Variants in PLA2G5 observed in about 807,000 individuals in gnomAD.
PLA2G5 encodes the protein Ca2+-dependent phospholipase A2.
A neutral mutation model predicts 15.9 loss-of-function variants in PLA2G5; 12 were observed. That is an observed-to-expected ratio of 0.76 (90% confidence interval 0.48 to 1.23). The LOEUF (loss-of-function observed/expected upper bound fraction) is 1.23, where lower values mean the gene tolerates loss of function less well. Among genes scored for constraint, PLA2G5 ranks in the 50% most tolerant of loss-of-function variants. The probability of loss-of-function intolerance (pLI) is 0.00; values close to 1 mark genes in which losing one functional copy is unlikely to be tolerated. For missense variants in PLA2G5, 169 were observed against 177.1 expected (o/e 0.95, Z 0.26); for synonymous variants, 71 against 71.4 (o/e 0.99, Z 0.03).
chr1:20,059,300 T>C (rs1319168699), intron 1 of PLA2G5, among the ~76,000 whole-genome samples: 6 of 152,024 alleles, frequency 3.9e-5, no homozygotes, highest in African/African-American at 1.4e-4. Context: ...TGGTGGCACA[T>C]GCCTGTAGTG....
exon 2 of PLA2G5, chr1:20,059,662 G>C (rs898498693): frequency 3.3e-5 from 5 of 152,162 alleles, no homozygotes; most frequent in Admixed American, 3.3e-4. Context: ...AGGCTGGAAA[G>C]GCAAAAATGA....
intron 1 of PLA2G5, among the ~76,000 whole-genome samples, chr1:20,053,934 A>G (rs937006284): frequency 6.6e-6 from 1 of 152,208 alleles, no homozygotes; most frequent in Admixed American, 6.5e-5. Context: ...TTAGTTATCT[A>G]TTGCTGTGTA....
Position 20,090,830 on chromosome 1 carries a change from G to T in PLA2G5, c.*138G>T. On this transcript the variant is annotated 3_prime_UTR_variant, in exon 5 of 5. Coordinates refer to ENST00000375108, the MANE Select transcript of PLA2G5 (RefSeq NM_000929.3). ...TTTCTCGAAGCTTGGCGGACCCCCAGGGCCACACTGTACCCTCCAGCGAGT... is the reference window on the plus strand; with the variant it reads ...TTTCTCGAAGCTTGGCGGACCCCCATGGCCACACTGTACCCTCCAGCGAGT... 1 of 847,546 alleles carries T rather than the reference G, an allele frequency of 1.2e-6. No homozygotes were observed. Among genetic ancestry groups the T allele is most frequent in the Non-Finnish European group, 1.9e-6 (1 of 520,664 alleles). 52.5% of individuals were successfully genotyped at this position (847,546 alleles called of 1,614,324 possible). A position where few individuals can be genotyped will look rare whatever the true frequency, so the allele number is the denominator to read the frequency against.
intron 2 of PLA2G5, among the ~76,000 whole-genome samples, chr1:20,061,802 T>G (rs1181229973): frequency 6.6e-6 from 1 of 152,254 alleles, no homozygotes; most frequent in Non-Finnish European, 1.5e-5. Context: ...TATTTGTATT[T>G]GTGTATCTTA....
chr1:20,083,417 G>C (rs1054944891), intron 1 of PLA2G5, among the ~76,000 whole-genome samples: 2 of 151,842 alleles, frequency 1.3e-5, no homozygotes, highest in Admixed American at 6.5e-5. Flanking sequence ...TGGCACAAGC[G>C]ACCGTTCAAC....
intron 1 of PLA2G5, among the ~76,000 whole-genome samples, chr1:20,052,173 C>CAAAA (rs34853506): frequency 9.8e-6 from 1 of 102,482 alleles, no homozygotes; most frequent in Non-Finnish European, 2.0e-5. Context: ...GACTCCATCT[C>CAAAA]AAAAAAAAAA....
chr1:20,052,603 G>A (rs891444673), intron 1 of PLA2G5, among the ~76,000 whole-genome samples: 3 of 152,042 alleles, frequency 2.0e-5, no homozygotes, highest in East Asian at 3.9e-4. Flanking sequence ...ATGAACTTTT[G>A]TAATAACTTC....
intron 2 of PLA2G5, among the ~76,000 whole-genome samples, chr1:20,085,379 T>C (rs1021521621): frequency 6.6e-6 from 1 of 152,032 alleles, no homozygotes; most frequent in African/African-American, 2.4e-5. Context: ...GTCCTGCTCC[T>C]TGATGTCTTG....
chr1:20,056,301 A>G (rs1488818162), intron 1 of PLA2G5, among the ~76,000 whole-genome samples: 1 of 151,410 alleles, frequency 6.6e-6, no homozygotes, highest in African/African-American at 2.4e-5. Context: ...CACTCCCTCA[A>G]GGGCAGGTGT....
At chr1:20,058,736 C>T (rs993146642) in intron 1 of PLA2G5, among the ~76,000 whole-genome samples, 1 of 152,106 alleles carries the variant, frequency 6.6e-6, no homozygotes, top group Non-Finnish European at 1.5e-5. Flanking sequence ...AGCAGCTTCT[C>T]GATTTGACAA....
upstream of PLA2G5, among the ~76,000 whole-genome samples, chr1:20,068,255 A>G (rs1171347148): frequency 1.3e-5 from 2 of 152,232 alleles, no homozygotes; most frequent in East Asian, 3.8e-4. Flanking sequence ...CTCATACTAC[A>G]CATGAAAATA....
At chr1:20,089,299 G>T (rs983643994) in intron 3 of PLA2G5, among the ~76,000 whole-genome samples, 7 of 152,208 alleles carry the variant, frequency 4.6e-5, no homozygotes, top group African/African-American at 1.7e-4. Context: ...CCTGTGATAC[G>T]AGAAGTTTAT....
intron 2 of PLA2G5, among the ~76,000 whole-genome samples, chr1:20,085,231 A>G (rs1246110933): frequency 6.6e-6 from 1 of 152,154 alleles, no homozygotes; most frequent in Admixed American, 6.5e-5. Context: ...ATAAAAATCA[A>G]AACTCTTATC....
intron 1 of PLA2G5, among the ~76,000 whole-genome samples, chr1:20,041,338 T>C (rs1199433513): frequency 6.6e-6 from 1 of 152,192 alleles, no homozygotes; most frequent in Non-Finnish European, 1.5e-5. Context: ...GAAATAAAGC[T>C]TTTTAATCAC....
At chr1:20,039,425 C>T (rs903918646) in intron 1 of PLA2G5, among the ~76,000 whole-genome samples, 1 of 152,130 alleles carries the variant, frequency 6.6e-6, no homozygotes, top group Non-Finnish European at 1.5e-5. Context: ...GAGGACAAAA[C>T]AAGGATTAAA....
rs575275809 is a variant in PLA2G5 at position 20,077,984 on chromosome 1, G to A, written c.-10-6837G>A. ...ACTCGAATGAGCTCATCCAGAGAGT[G>A]GCTGAGACAGAGAAGGGCAACTCCA... On this transcript the variant is annotated intron_variant, in intron 1 of 4. Coordinates refer to ENST00000375108, the MANE Select transcript of PLA2G5 (RefSeq NM_000929.3). Among the ~76,000 whole-genome samples the A allele has an allele frequency of 1.9e-4, 29 of 152,302 alleles. No individual in the cohort carries two copies. The South Asian group carries it at 5.8e-3, about 31-fold the overall frequency.
chr1:20,058,208 T>C (rs150203221), intron 1 of PLA2G5, among the ~76,000 whole-genome samples: 2 of 152,336 alleles, frequency 1.3e-5, no homozygotes, highest in East Asian at 3.9e-4. Flanking sequence ...GCTCTGTTCA[T>C]TACTGAGAGA....
chr1:20,055,956 G>T (rs902386986), intron 1 of PLA2G5, among the ~76,000 whole-genome samples: 64 of 152,144 alleles, frequency 4.2e-4, no homozygotes, highest in African/African-American at 1.5e-3. Flanking sequence ...TCTGAGGTCT[G>T]CAGGGAGTTT....
At chr1:20,040,931 T>C (rs899371436) in intron 1 of PLA2G5, among the ~76,000 whole-genome samples, 2 of 152,222 alleles carry the variant, frequency 1.3e-5, no homozygotes, top group Non-Finnish European at 2.9e-5. Flanking sequence ...GTCCTGCCTT[T>C]CTGGACCGAG....
Sources: gnomAD v4.1 joint callset for allele counts (sites outside exome capture counted in the v4.1 genomes callset) on GRCh38, gnomAD v4.1.1 for gene constraint, MANE v1.5 for transcripts, NCBI Gene and HGNC (gene_info 2026-07-23, HGNC 2026-07-21) for gene names.